Variants in LEKR1 observed in about 807,000 individuals in gnomAD.
LEKR1 encodes the protein leucine, glutamate and lysine rich 1.
LEKR1 carries 59 observed loss-of-function variants against 72.4 expected under a neutral mutation model. The ratio of observed to expected loss-of-function variants is 0.82; its 90% CI spans 0.66 to 1.01. The LOEUF (loss-of-function observed/expected upper bound fraction) is 1.01. Among genes scored for constraint, LEKR1 ranks in the 50% least tolerant of loss-of-function variants. The pLI is 0.00. For synonymous variants in LEKR1, 257 were observed against 263.2 expected, an observed-to-expected ratio of 0.98 and a Z score of 0.23; for missense variants, 728 against 759.2, an observed-to-expected ratio of 0.96 and a Z score of 0.48.
At chr3:156,837,897 G>T (rs1008749572) in intron 2 of LEKR1, among the ~76,000 whole-genome samples, 1 of 152,118 alleles carries the variant, frequency 6.6e-6, no homozygotes, top group South Asian at 2.1e-4. Flanking sequence ...ATAGCTGTGG[G>T]GGCCATGCTG....
At chr3:156,963,500 C>T (rs895001636) in intron 6 of LEKR1, among the ~76,000 whole-genome samples, 1 of 152,158 alleles carries the variant, frequency 6.6e-6, no homozygotes, top group Non-Finnish European at 1.5e-5. Flanking sequence ...GATCTCTCCC[C>T]ATACTCCCAC....
intron 7 of LEKR1, among the ~76,000 whole-genome samples, chr3:156,981,210 G>C (rs1730172206): frequency 1.3e-5 from 2 of 152,142 alleles, no homozygotes; most frequent in Admixed American, 6.5e-5. Flanking sequence ...ATTGCGTAAT[G>C]ACACATTTCT....
At chr3:157,006,998 G>C (rs939747813) in intron 9 of LEKR1, among the ~76,000 whole-genome samples, 15 of 152,040 alleles carry the variant, frequency 9.9e-5, no homozygotes, top group African/African-American at 3.6e-4. Flanking sequence ...TCAGGAGCGA[G>C]ACCATCCTGG....
In LEKR1 at chr3:157,024,798, G is replaced by T; in HGVS notation, c.1242G>T (p.Leu414Phe). Residue 414 changes from leucine to phenylalanine, a missense_variant, in exon 11 of 13, where the codon TTG (leucine) becomes TTT (phenylalanine). Physicochemically the swap from Leu to Phe is conservative, Grantham distance 22 (BLOSUM62 0). Transcript: ENST00000356539. ...AELAKERAQH[L>F]VEFEEQALLF... Reference sequence around the variant, plus strand: ...TTGCCAAGGAAAGGGCCCAACACTTGGTTGAATTTGAAGAGCAAGCTCTTC... The same window carrying T: ...TTGCCAAGGAAAGGGCCCAACACTTTGTTGAATTTGAAGAGCAAGCTCTTC... 6.2e-7 allele frequency: 1 copy of T among 1,611,148 alleles called. No individual in the cohort carries two copies. Among genetic ancestry groups the T allele is most frequent in the East Asian group, 2.2e-5 (1 of 44,810 alleles).
intron 10 of LEKR1, among the ~76,000 whole-genome samples, chr3:157,016,943 C>T (rs1733389311): frequency 6.6e-6 from 1 of 151,764 alleles, no homozygotes; most frequent in Admixed American, 6.6e-5. Flanking sequence ...AATAGCAATC[C>T]TAAAGAAGAC....
At chr3:156,982,623 G>A (rs980702984) in intron 7 of LEKR1, among the ~76,000 whole-genome samples, 14 of 152,116 alleles carry the variant, frequency 9.2e-5, no homozygotes, top group Non-Finnish European at 1.8e-4. Context: ...AAGGTAACCA[G>A]TAGCGTTTGC....
In LEKR1 at chr3:156,992,945, T is replaced by A. The variant is rs55830957; in HGVS notation, c.906-129T>A. 4.1e-3 allele frequency: 2,270 copies of A among 549,560 alleles called. 54 individuals are homozygous for A. Among genetic ancestry groups the A allele is most frequent in the African/African-American group, 0.04 (2,078 of 52,106 alleles). 34.0% of individuals were successfully genotyped at this position (549,560 alleles called of 1,614,324 possible). On this transcript the variant is annotated intron_variant, in intron 8 of 12. Coordinates refer to ENST00000356539, the MANE Select transcript of LEKR1 (RefSeq NM_001004316.3). ...TAACATTATAGAACCATTCTTTTTT[T>A]AAAATTTTTAATTTTTTAAAGTTAC...
chr3:156,925,303 T>TTGTGTG (rs766890099), intron 4 of LEKR1: 3 of 60,978 alleles, frequency 4.9e-5, no homozygotes, highest in Non-Finnish European at 7.3e-5. Context: ...ATTCTAGTAT[T>TTGTGTG]TGTGTGTGTG....
intron 9 of LEKR1, among the ~76,000 whole-genome samples, chr3:157,007,824 G>C (rs566565623): frequency 9.2e-4 from 140 of 152,306 alleles, no homozygotes; most frequent in Non-Finnish European, 1.6e-3. Flanking sequence ...AAGCCGCTGA[G>C]AGCATATACA....
chr3:156,995,866 T>C (rs1392024114), intron 9 of LEKR1, among the ~76,000 whole-genome samples: 1 of 152,192 alleles, frequency 6.6e-6, no homozygotes, highest in Non-Finnish European at 1.5e-5. Flanking sequence ...AAAATGTCCT[T>C]GTAGACCAGT....
At chr3:156,878,845 A>T (rs1455145600) in intron 3 of LEKR1, among the ~76,000 whole-genome samples, 2 of 152,180 alleles carry the variant, frequency 1.3e-5, no homozygotes, top group African/African-American at 4.8e-5. Flanking sequence ...ATGGTAGTGA[A>T]TAAGTCTCAC....
intron 3 of LEKR1, among the ~76,000 whole-genome samples, chr3:156,867,768 A>G (rs73873740): frequency 0.066 from 10,085 of 152,102 alleles, 405 homozygotes; most frequent in African/African-American, 0.11. Flanking sequence ...AATAGAAACT[A>G]TATCTTTATC....
At chr3:156,981,069 CTATTCAA>C (rs373116368) in intron 7 of LEKR1, among the ~76,000 whole-genome samples, 116 of 152,264 alleles carry the variant, frequency 7.6e-4, no homozygotes, top group African/African-American at 2.7e-3. Flanking sequence ...ATTACCTACA[CTATTCAA>C]TACATTAGCA....
chr3:156,992,636 C>T lies in LEKR1; in HGVS notation c.828-17C>T. 1 of 549,092 alleles carries T rather than the reference C, an allele frequency of 1.8e-6. No homozygotes were observed. The highest frequency in any genetic ancestry group is 2.6e-6 in the Non-Finnish European group (1 of 382,162). The allele number at this position is 549,092 out of a possible 1,614,324, so 34.0% of individuals were successfully genotyped here. ...ATTTTGAAATAATATATTTTAACTTCTTTTGTATTATTTTAGGAATAAATC... is the reference window on the plus strand; with the variant it reads ...ATTTTGAAATAATATATTTTAACTTTTTTTGTATTATTTTAGGAATAAATC... On this transcript the variant is annotated splice_polypyrimidine_tract_variant and intron_variant, in intron 7 of 12. Coordinates refer to ENST00000356539, the MANE Select transcript of LEKR1 (RefSeq NM_001004316.3).
chr3:156,957,892 G>A (rs1489984999), intron 6 of LEKR1, among the ~76,000 whole-genome samples: 2 of 152,046 alleles, frequency 1.3e-5, no homozygotes, highest in Non-Finnish European at 2.9e-5. Context: ...CCTCAAGCAT[G>A]AGCCACCATG....
chr3:156,993,119 T>C lies in LEKR1; in HGVS notation c.951T>C (p.Cys317=). The C allele has an allele frequency of 1.9e-6, 3 of 1,610,904 alleles. No homozygotes were observed. Among genetic ancestry groups the C allele is most frequent in the Non-Finnish European group, 2.5e-6 (3 of 1,178,864 alleles). ...LKEKEDSLMT[C]QQIYKALQEE... ...AAAAAGAAGACTCTTTAATGACTTG[T>C]CAACAGATATATAAAGCATTACAGG... is the stretch of plus-strand genomic sequence containing the variant. Residue 317 remains cysteine (C), a synonymous_variant, in exon 9 of 13, where the codon TGT becomes TGC. Coordinates refer to ENST00000356539, the MANE Select transcript of LEKR1 (RefSeq NM_001004316.3).
intron 3 of LEKR1, among the ~76,000 whole-genome samples, chr3:156,919,375 CT>C (rs59531262): frequency 0.34 from 50,984 of 152,004 alleles, 11,184 homozygotes; most frequent in African/African-American, 0.62. Context: ...GTTGTTCCTC[CT>C]TGATAGTGAC....
At chr3:157,022,610 G>T (rs1481249050) in intron 10 of LEKR1, among the ~76,000 whole-genome samples, 2 of 152,158 alleles carry the variant, frequency 1.3e-5, no homozygotes, top group Non-Finnish European at 2.9e-5. Context: ...TGAAATAAGA[G>T]GGAGAAACAG....
intron 10 of LEKR1, 64 bp downstream of exon 10, chr3:157,011,570 G>T (rs866179981): frequency 7.5e-6 from 8 of 1,072,938 alleles, no homozygotes; most frequent in Non-Finnish European, 1.0e-5. Flanking sequence ...CTGACCATTT[G>T]TCAGAAGACT....
Sources: allele counts gnomAD v4.1 joint callset (sites outside exome capture counted in the v4.1 genomes callset), GRCh38; gene constraint gnomAD v4.1.1; transcripts MANE v1.5; gene names NCBI Gene and HGNC (gene_info 2026-07-23, HGNC 2026-07-21).